DHX29: variants seen among roughly 807,000 people sequenced by gnomAD.
DHX29 encodes the protein ATP-dependent RNA helicase DHX29.
In DHX29, 79 loss-of-function variants were observed where a neutral mutation model predicts 167.9. That is an observed-to-expected ratio of 0.47 (90% CI 0.39 to 0.57). The LOEUF (loss-of-function observed/expected upper bound fraction) is 0.57. DHX29 is among the 20% of genes least tolerant of loss of function. The pLI, the probability that DHX29 is intolerant of heterozygous loss-of-function variation, is 0.00. For synonymous variants in DHX29, 530 were observed against 546.0 expected (o/e 0.97, Z 0.41); for missense variants, 1,347 against 1,593.4 (o/e 0.85, Z 2.63).
rs2111819182 is a variant in DHX29 at position 55,268,677 on chromosome 5, A to T, written c.3294+736T>A. Among the ~76,000 whole-genome samples the T allele has an allele frequency of 2.0e-5, 3 of 152,236 alleles. 1 individual carries two copies. In the South Asian group the frequency reaches 6.2e-4, roughly 32 times the overall value. ...CTGTATTTAAATAGCCTTTATTGGTAATCCCAGAAAAGGCCATAGCTTGAT... is the reference window on the plus strand; with the variant it reads ...CTGTATTTAAATAGCCTTTATTGGTTATCCCAGAAAAGGCCATAGCTTGAT... On this transcript the variant is annotated intron_variant, in intron 21 of 26. Coordinates refer to ENST00000251636, the MANE Select transcript of DHX29 (RefSeq NM_019030.4).
At chr5:55,297,806 G>C (rs1748398360) in intron 2 of DHX29, among the ~76,000 whole-genome samples, 2 of 152,156 alleles carry the variant, frequency 1.3e-5, no homozygotes, top group African/African-American at 4.8e-5. Flanking sequence ...GGTATAACAA[G>C]TAAAACTGAA....
chr5:55,262,532 G>T, intron 24 of DHX29, 98 bp downstream of exon 24: 2 of 1,434,048 alleles, frequency 1.4e-6, no homozygotes, highest in Non-Finnish European at 1.9e-6. Context: ...AGCTCAATTT[G>T]AGAACCAAAT....
At position 55,307,430 on chromosome 5, in the gene DHX29, AGCGGTG is replaced by A. The variant is rs756033274; in HGVS notation, c.138_143del (p.Thr47_Ala48del). 9 of 1,612,708 alleles carry A rather than the reference AGCGGTG, an allele frequency of 5.6e-6. No homozygotes were observed. The African/African-American group carries it at 6.7e-5, about 12-fold the overall frequency. ...CCCTGGAGCCGGCAGCGGCAGCGGCAGCGGTGGCCGGCCTGGACACTGGCTTCTTGC... is the reference window on the plus strand; with the variant it reads ...CCCTGGAGCCGGCAGCGGCAGCGGCAGCCGGCCTGGACACTGGCTTCTTGC... On this transcript the variant is annotated inframe_deletion, in exon 1 of 27. Transcript: ENST00000251636.
At chr5:55,279,704 T>TTTTTGTTTTG (rs1161018613) in intron 12 of DHX29, 1 of 156,556 alleles carries the variant, frequency 6.4e-6, no homozygotes, top group African/African-American at 2.4e-5. Flanking sequence ...TGTGTGGGGT[T>TTTTTGTTTTG]TTTTGTTTTG....
intron 11 of DHX29, among the ~76,000 whole-genome samples, chr5:55,281,807 C>T (rs1426165461): frequency 4.4e-5 from 6 of 137,462 alleles, no homozygotes; most frequent in East Asian, 4.2e-4. Flanking sequence ...TTTTTTGAGA[C>T]GGAGTTTCAT....
chr5:55,301,990 A>G (rs1427834424), intron 1 of DHX29, among the ~76,000 whole-genome samples: 1 of 152,190 alleles, frequency 6.6e-6, no homozygotes, highest in Non-Finnish European at 1.5e-5. Context: ...GCAGTCTGAA[A>G]GAGAAACATT....
chr5:55,277,443 G>C (rs1747175218), intron 12 of DHX29, among the ~76,000 whole-genome samples, 161 bp from the exon 13 acceptor site: 1 of 152,090 alleles, frequency 6.6e-6, no homozygotes, highest in Non-Finnish European at 1.5e-5. Context: ...AAATAAGACA[G>C]ATCTTCAGAA....
intron 1 of DHX29, among the ~76,000 whole-genome samples, chr5:55,304,121 AAAG>A (rs892777829): frequency 6.6e-6 from 1 of 152,114 alleles, no homozygotes; most frequent in Non-Finnish European, 1.5e-5. Context: ...ACAGGAATGG[AAAG>A]AAGAAAGAAA....
At chr5:55,264,954 T>C (rs1040971261) in intron 23 of DHX29, among the ~76,000 whole-genome samples, 4 of 152,060 alleles carry the variant, frequency 2.6e-5, no homozygotes, top group Admixed American at 2.6e-4. Context: ...AATGAAACAA[T>C]AGGTCCGAGT....
intron 23 of DHX29, among the ~76,000 whole-genome samples, chr5:55,265,274 C>T (rs924322029): frequency 6.7e-6 from 1 of 149,174 alleles, no homozygotes; most frequent in Non-Finnish European, 1.5e-5. Flanking sequence ...AACAGCATTA[C>T]ATGAAAAGCC....
chr5:55,306,207 G>C (rs1416648989), intron 1 of DHX29, among the ~76,000 whole-genome samples: 2 of 152,124 alleles, frequency 1.3e-5, no homozygotes, highest in Admixed American at 6.5e-5. Context: ...TAAAGGTCTG[G>C]TACCTGCCTA....
Position 55,285,881 on chromosome 5 carries a change from T to C in DHX29, c.1067-20A>G. 1 of 1,524,924 alleles carries C rather than the reference T, an allele frequency of 6.6e-7. No individual in the cohort carries two copies. Among genetic ancestry groups the C allele is most frequent in the Non-Finnish European group, 8.9e-7 (1 of 1,126,560 alleles). The allele number at this position is 1,524,924 out of a possible 1,614,324, so 94.5% of individuals were successfully genotyped here. A position where few individuals can be genotyped will look rare whatever the true frequency, so the allele number is the denominator to read the frequency against. Reference sequence around the variant, plus strand: ...TTTTATCTAAAATGGTAAACAAAGATTGGTTCTTTAAAAATGGTCAAGCAT... The same window carrying C: ...TTTTATCTAAAATGGTAAACAAAGACTGGTTCTTTAAAAATGGTCAAGCAT... On this transcript the variant is annotated intron_variant, in intron 8 of 26. Coordinates refer to ENST00000251636, the MANE Select transcript of DHX29 (RefSeq NM_019030.4).
Position 55,273,378 on chromosome 5 carries a change from C to A in DHX29, c.2691-1G>T, listed in dbSNP as rs1227832813. On this transcript the variant is annotated splice_acceptor_variant, in intron 16 of 26. Coordinates refer to ENST00000251636, the MANE Select transcript of DHX29 (RefSeq NM_019030.4). LOFTEE classifies it high-confidence loss of function. ...AGAATGCAGAGCTATCACTTTATATCTGAAAGTTAAAATCATAGTTCTTAG... is the reference window on the plus strand; with the variant it reads ...AGAATGCAGAGCTATCACTTTATATATGAAAGTTAAAATCATAGTTCTTAG... 4 of 1,563,328 alleles carry A rather than the reference C, an allele frequency of 2.6e-6. No individual in the cohort carries two copies. Among genetic ancestry groups the A allele is most frequent in the Non-Finnish European group, 3.5e-6 (4 of 1,148,368 alleles).
At position 55,256,194 on chromosome 5, in the gene DHX29, G is replaced by A. The variant is rs987163082; in HGVS notation, c.*294C>T. The A allele has an allele frequency of 5.0e-6, 1 of 200,500 alleles. No individual in the cohort carries two copies. Among genetic ancestry groups the A allele is most frequent in the African/African-American group, 2.4e-5 (1 of 42,524 alleles). 12.4% of individuals were successfully genotyped at this position (200,500 alleles called of 1,614,324 possible). The stretch of plus-strand genomic sequence containing the variant: ...CAGGGAATCACAACATTAAGCTACA[G>A]ATACCACAGACATAGGCCTTGCCCT... On this transcript the variant is annotated 3_prime_UTR_variant, in exon 27 of 27. Coordinates refer to ENST00000251636, the MANE Select transcript of DHX29 (RefSeq NM_019030.4).
rs1341371602 is a variant in DHX29, at chr5:55,256,159, G to A, written c.*329C>T. On this transcript the variant is annotated 3_prime_UTR_variant, in exon 27 of 27. Transcript: ENST00000251636. ...GACATCAAGGACTGATAGGGGATGA[G>A]GCAGCTACACAGGGAATCACAACAT... is the stretch of plus-strand genomic sequence containing the variant. 5 of 169,684 alleles carry A rather than the reference G, an allele frequency of 2.9e-5. No individual in the cohort carries two copies. The highest frequency in any genetic ancestry group is 6.3e-5 in the Non-Finnish European group (5 of 79,750). The allele number at this position is 169,684 out of a possible 1,614,324, so 10.5% of individuals were successfully genotyped here.
chr5:55,285,697 T>G lies in DHX29; in HGVS notation c.1231A>C (p.Arg411=), dbSNP rs777379297. The G allele has an allele frequency of 1.3e-6, 2 of 1,555,462 alleles. No individual in the cohort carries two copies. The highest frequency in any genetic ancestry group is 1.7e-6 in the Non-Finnish European group (2 of 1,149,966). The change falls in exon 9 of 27, where the codon AGG becomes CGG. Residue 411 remains arginine, a splice_region_variant and synonymous_variant. Transcript: ENST00000251636. ...AAACAACAACAACAAAAAACATACC[T>G]ACATTTCCAGTATCTACCTACTGGA... ...KVPVGRYWKC[R]VRVIKSEDDV... is the part of the protein sequence containing the mutation.
chr5:55,260,067 C>A, intron 25 of DHX29, 123 bp from the exon 26 acceptor site: 1 of 511,990 alleles, frequency 2.0e-6, no homozygotes, highest in South Asian at 3.9e-5. Flanking sequence ...ATGGAAAACA[C>A]AATGGGAAAA....
chr5:55,287,289 A>G (rs1747783258), intron 8 of DHX29, among the ~76,000 whole-genome samples: 1 of 152,110 alleles, frequency 6.6e-6, no homozygotes, highest in Non-Finnish European at 1.5e-5. Flanking sequence ...AAAAATACAA[A>G]AATTAGCCGG....
chr5:55,291,594 T>C (rs916369131), intron 6 of DHX29, among the ~76,000 whole-genome samples: 18 of 152,320 alleles, frequency 1.2e-4, no homozygotes, highest in Non-Finnish European at 1.9e-4. Context: ...TTCATAATGT[T>C]GTACAACCAG....
Sources: allele counts gnomAD v4.1 joint callset (sites outside exome capture counted in the v4.1 genomes callset), GRCh38; gene constraint gnomAD v4.1.1; transcripts MANE v1.5; gene names NCBI Gene and HGNC (gene_info 2026-07-23, HGNC 2026-07-21).